PKD1L1: variants seen among roughly 807,000 people sequenced by gnomAD.
PKD1L1 encodes the protein polycystin 1 like 1, transient receptor potential channel interacting, also known as polycystin-1-like protein 1.
PKD1L1 carries 236 observed loss-of-function variants against 323.4 expected under a neutral mutation model. The observed-to-expected ratio is 0.73, with a 90% confidence interval of 0.66 to 0.81. PKD1L1 has a LOEUF of 0.81. Among genes scored for constraint, PKD1L1 ranks in the 40% least tolerant of loss-of-function variants. PKD1L1 has a pLI of 0.00. For synonymous variants in PKD1L1, 1,344 were observed against 1,335.0 expected, an observed-to-expected ratio of 1.01 and a Z score of -0.15; for missense variants, 3,320 against 3,508.0, an observed-to-expected ratio of 0.95 and a Z score of 1.35.
At chr7:47,801,889 T>C (rs896332023) in intron 53 of PKD1L1, among the ~76,000 whole-genome samples, 3 of 152,208 alleles carry the variant, frequency 2.0e-5, no homozygotes, top group African/African-American at 7.2e-5. Flanking sequence ...GGCTTTTTTT[T>C]CCTTACATAA....
At chr7:47,829,304 TC>T in intron 44 of PKD1L1, 120 bp downstream of exon 44, 3 of 952,998 alleles carry the variant, frequency 3.1e-6, no homozygotes, top group Non-Finnish European at 4.5e-6. Context: ...AATTAAGACA[TC>T]CCATGGGTCT....
intron 17 of PKD1L1, 39 bp downstream of exon 17, chr7:47,887,951 T>C (rs1002729530): frequency 8.9e-6 from 14 of 1,574,666 alleles, no homozygotes; most frequent in Non-Finnish European, 1.2e-5. Context: ...CCTGAGTTTT[T>C]CCCTCAGAAA....
chr7:47,855,683 C>T (rs1472304450), intron 28 of PKD1L1, among the ~76,000 whole-genome samples: 4 of 103,348 alleles, frequency 3.9e-5, no homozygotes, highest in African/African-American at 1.1e-4. Context: ...GAGACCATCC[C>T]GGCTATAACG....
chr7:47,876,144 T>C lies in PKD1L1; in HGVS notation c.3737A>G (p.Gln1246Arg), dbSNP rs1178355321. ...ACCAGCTGGCAACACAAAATAATAC[T>C]GGGTGTCTCTCCCATGGTACAAAGT... ...KHTLYHGRDT[Q>R]YYFVLPAGEH... The change falls in exon 23 of 57, where the codon CAG (glutamine) becomes CGG (arginine). Residue 1246 changes from glutamine to arginine, a missense_variant. Gln to Arg is a conservative substitution (Grantham distance 43). Transcript: ENST00000289672. 1 of 1,614,150 alleles carries C rather than the reference T, an allele frequency of 6.2e-7. No homozygotes were observed. The highest frequency in any genetic ancestry group is 8.5e-7 in the Non-Finnish European group (1 of 1,179,996).
At position 47,829,211 on chromosome 7, in the gene PKD1L1, C is replaced by T. The variant is rs1412679681; in HGVS notation, c.6735+214G>A. Among the ~76,000 whole-genome samples, 7 of 152,054 alleles carry T rather than the reference C, an allele frequency of 4.6e-5. No individual in the cohort carries two copies. The East Asian group carries it at 1.4e-3, about 29-fold the overall frequency. On this transcript the variant is annotated intron_variant, in intron 44 of 56. Transcript: ENST00000289672. Reference sequence around the variant, plus strand: ...AAAATATGCTCATTTTCTTGATGCTCTAACTTCTTTAGGATTGGAGTTAAA... The same window carrying T: ...AAAATATGCTCATTTTCTTGATGCTTTAACTTCTTTAGGATTGGAGTTAAA...
Position 47,816,379 on chromosome 7 carries a change from C to T in PKD1L1, c.6966-922G>A, listed in dbSNP as rs1019293757. Among the ~76,000 whole-genome samples, 5 of 152,336 alleles carry T rather than the reference C, an allele frequency of 3.3e-5. 1 individual carries two copies. Among genetic ancestry groups the T allele is most frequent in the Admixed American group, 3.3e-4 (5 of 15,304 alleles). ...TCATTTTTAGTTTGCTCAGACACTG[C>T]TATAAAGCCACATGCACAGGCCAAG... On this transcript the variant is annotated intron_variant, in intron 46 of 56. Coordinates refer to ENST00000289672, the MANE Select transcript of PKD1L1 (RefSeq NM_138295.5).
chr7:47,789,164 G>A (rs1193007929), intron 56 of PKD1L1, among the ~76,000 whole-genome samples: 1 of 152,108 alleles, frequency 6.6e-6, no homozygotes, highest in Non-Finnish European at 1.5e-5. Context: ...TTTGAAGGTC[G>A]TTCTGGACTT....
In PKD1L1 at chr7:47,829,406, C is replaced by T. The variant is rs1313661877; in HGVS notation, c.6735+19G>A. 6.3e-7 allele frequency: 1 copy of T among 1,582,282 alleles called. No individual in the cohort carries two copies. Among genetic ancestry groups the T allele is most frequent in the Admixed American group, 1.9e-5 (1 of 53,152 alleles). Reference sequence around the variant, plus strand: ...GTTTTTTAAATCTCAATTTGCACTGCATAGGTAATTTTTTTTACTTTTTCA... The same window carrying T: ...GTTTTTTAAATCTCAATTTGCACTGTATAGGTAATTTTTTTTACTTTTTCA... On this transcript the variant is annotated intron_variant, in intron 44 of 56. Coordinates refer to ENST00000289672, the MANE Select transcript of PKD1L1 (RefSeq NM_138295.5).
Position 47,808,416 on chromosome 7 carries a change from A to G in PKD1L1, c.7687-29T>C, listed in dbSNP as rs749450868. 9.9e-6 allele frequency: 16 copies of G among 1,612,880 alleles called. No homozygotes were observed. The South Asian group carries it at 1.6e-4, about 17-fold the overall frequency. On this transcript the variant is annotated intron_variant, in intron 51 of 56. Transcript: ENST00000289672. The stretch of plus-strand genomic sequence containing the variant: ...GAACATCCAAGAGAAAGGCCCTCAG[A>G]TGGCTCCTGAGGAAGGGCTTACCTG...
At chr7:47,922,000 T>A (rs1037683215) in intron 7 of PKD1L1, among the ~76,000 whole-genome samples, 20 of 149,114 alleles carry the variant, frequency 1.3e-4, no homozygotes, top group Non-Finnish European at 2.8e-4. Flanking sequence ...CTCCACTCAC[T>A]GCAACCTCCC....
chr7:47,933,387 T>G (rs1409831026), intron 4 of PKD1L1, among the ~76,000 whole-genome samples: 1 of 152,218 alleles, frequency 6.6e-6, no homozygotes, highest in East Asian at 1.9e-4. Context: ...AGCCTCTCAT[T>G]TGTTTTCCAA....
Position 47,821,163 on chromosome 7 carries a change from A to G in PKD1L1, c.6878T>C (p.Met2293Thr). The change falls in exon 46 of 57, where the codon ATG (methionine) becomes ACG (threonine). Residue 2293 changes from methionine (M) to threonine (T), a missense_variant. By Grantham distance (81) the Met-to-Thr change is moderately conservative. Coordinates refer to ENST00000289672, the MANE Select transcript of PKD1L1 (RefSeq NM_138295.5). ...TATTACACACAAAAGCAGAAGCAGC[A>G]TGAGGATGTCCATGGAAATGTCTCT... The part of the protein sequence containing the change: ...ALRDISMDIL[M>T]LLLLLCVIYG... 6.2e-7 allele frequency: 1 copy of G among 1,608,514 alleles called. No homozygotes were observed. Among genetic ancestry groups the G allele is most frequent in the Non-Finnish European group, 8.5e-7 (1 of 1,174,936 alleles).
intron 3 of PKD1L1, among the ~76,000 whole-genome samples, chr7:47,938,059 A>C (rs1012592675): frequency 3.3e-5 from 5 of 152,258 alleles, no homozygotes; most frequent in African/African-American, 1.2e-4. Context: ...GATTACAAAA[A>C]GCAGCCACCA....
At chr7:47,925,337 C>T (rs1436320151) in intron 7 of PKD1L1, among the ~76,000 whole-genome samples, 1 of 151,954 alleles carries the variant, frequency 6.6e-6, no homozygotes, top group Non-Finnish European at 1.5e-5. Flanking sequence ...TAGTGAGACT[C>T]CTGTCTCTAT....
intron 34 of PKD1L1, among the ~76,000 whole-genome samples, chr7:47,841,310 T>C (rs1583612574): frequency 6.6e-6 from 1 of 152,208 alleles, no homozygotes; most frequent in South Asian, 2.1e-4. Flanking sequence ...GTAAGACCTC[T>C]AGTCTTCCCT....
intron 37 of PKD1L1, 149 bp downstream of exon 37, chr7:47,836,772 T>G (rs1785465050): frequency 1.0e-6 from 1 of 1,002,826 alleles, no homozygotes; most frequent in Admixed American, 2.5e-5. Context: ...GCCCTCCTGT[T>G]CCTTCTCTGG....
intron 44 of PKD1L1, 43 bp downstream of exon 44, chr7:47,829,382 T>C: frequency 1.3e-6 from 2 of 1,531,610 alleles, no homozygotes; most frequent in Non-Finnish European, 1.8e-6. Flanking sequence ...TATAAAGTAG[T>C]TTTTTAAATC....
At chr7:47,926,788 G>A (rs78742219) in intron 7 of PKD1L1, among the ~76,000 whole-genome samples, 2,245 of 152,226 alleles carry the variant, frequency 0.015, 12 homozygotes, top group Middle Eastern at 0.02. Context: ...CCATCATTGT[G>A]GCAACCGAAT....
intron 13 of PKD1L1, among the ~76,000 whole-genome samples, chr7:47,899,882 GGA>G (rs1413145078): frequency 3.4e-5 from 5 of 148,066 alleles, no homozygotes; most frequent in African/African-American, 7.4e-5. Flanking sequence ...TGTGAACCCG[GGA>G]GGCGGAGCTT....
Sources: gnomAD v4.1 joint callset for allele counts (sites outside exome capture counted in the v4.1 genomes callset) on GRCh38, gnomAD v4.1.1 for gene constraint, MANE v1.5 for transcripts, NCBI Gene and HGNC (gene_info 2026-07-23, HGNC 2026-07-21) for gene names.